Variants in DNAJC13 observed in about 807,000 individuals in gnomAD.
DNAJC13 encodes the protein dnaJ homolog subfamily C member 13.
A neutral mutation model predicts 290.5 loss-of-function variants in DNAJC13; 75 were observed. That is an observed-to-expected ratio of 0.26 (90% CI 0.21 to 0.31). The LOEUF is 0.31. DNAJC13 is among the 10% of genes least tolerant of loss of function. The pLI is 1.00. For missense variants in DNAJC13, 2,260 were observed against 2,674.5 expected, an observed-to-expected ratio of 0.85 and a Z score of 3.42; for synonymous variants, 862 against 892.0, an observed-to-expected ratio of 0.97 and a Z score of 0.60.
Position 132,422,262 on chromosome 3 carries a change from C to A in DNAJC13, c.-14+4502C>A, listed in dbSNP as rs528512324. On this transcript the variant is annotated intron_variant, in intron 1 of 55. Transcript: ENST00000260818. ...ATGTTGCCCAGGCTAGTCTCAAACT[C>A]CTGAGCTCAAGCAATCCTCCCACCT... is the stretch of plus-strand genomic sequence containing the variant. Among the ~76,000 whole-genome samples, 4 of 152,124 alleles carry A rather than the reference C, an allele frequency of 2.6e-5. No individual in the cohort carries two copies. In the South Asian group the frequency reaches 8.3e-4, roughly 32 times the overall value.
chr3:132,505,232 A>G (rs1203111263), intron 41 of DNAJC13, 70 bp from the exon 42 acceptor site: 22 of 976,140 alleles, frequency 2.3e-5, no homozygotes, highest in Non-Finnish European at 3.2e-5. Flanking sequence ...TATAATAGAC[A>G]TTTTTAATAA....
intron 55 of DNAJC13, among the ~76,000 whole-genome samples, chr3:132,537,004 T>C (rs574791495): frequency 6.6e-6 from 1 of 152,336 alleles, no homozygotes; most frequent in Non-Finnish European, 1.5e-5. Context: ...TTCACATCCA[T>C]AGTACCAATA....
At chr3:132,430,824 A>C (rs1458079452) in intron 1 of DNAJC13, among the ~76,000 whole-genome samples, 1 of 152,198 alleles carries the variant, frequency 6.6e-6, no homozygotes, top group Non-Finnish European at 1.5e-5. Context: ...GATAATTCTT[A>C]CTGGGTTTAA....
chr3:132,516,454 T>G lies in DNAJC13; in HGVS notation c.5518T>G (p.Leu1840Val), dbSNP rs1935922809. Residue 1840 changes from leucine to valine, a missense_variant, in exon 47 of 56, where the codon TTG (leucine) becomes GTG (valine). Leu to Val is a conservative substitution (Grantham distance 32). Coordinates refer to ENST00000260818, the MANE Select transcript of DNAJC13 (RefSeq NM_015268.4). ...RQLVLETLYA[L>V]TSSTKIIKEA... ...GCTTGTTCTGGAAACTCTTTATGCTTTGACATCGAGTACAAAAATAATCAA... is the reference window on the plus strand; with the variant it reads ...GCTTGTTCTGGAAACTCTTTATGCTGTGACATCGAGTACAAAAATAATCAA... 2 of 1,613,720 alleles carry G rather than the reference T, an allele frequency of 1.2e-6. No homozygotes were observed. Among genetic ancestry groups the G allele is most frequent in the South Asian group, 1.1e-5 (1 of 91,086 alleles).
intron 1 of DNAJC13, among the ~76,000 whole-genome samples, chr3:132,418,150 T>G (rs1342535941): frequency 6.6e-6 from 1 of 152,170 alleles, no homozygotes; most frequent in Non-Finnish European, 1.5e-5. Context: ...CGGCAACTCT[T>G]GTTTCCTTGG....
intron 48 of DNAJC13, among the ~76,000 whole-genome samples, chr3:132,519,863 AAG>A (rs974692304): frequency 1.3e-5 from 2 of 152,174 alleles, no homozygotes; most frequent in Non-Finnish European, 2.9e-5. Flanking sequence ...TTACAAAAGA[AAG>A]AGGTTTATTG....
At chr3:132,494,074 T>G in intron 33 of DNAJC13, 70 bp from the exon 34 acceptor site, 1 of 1,061,248 alleles carries the variant, frequency 9.4e-7, no homozygotes, top group South Asian at 1.5e-5. Flanking sequence ...AGCACAATAA[T>G]TCTATAACTT....
chr3:132,463,736 C>T lies in DNAJC13; in HGVS notation c.1811C>T (p.Ala604Val), dbSNP rs1303769041. 1 of 1,613,050 alleles carries T rather than the reference C, an allele frequency of 6.2e-7. No individual in the cohort carries two copies. Among genetic ancestry groups the T allele is most frequent in the African/African-American group, 1.3e-5 (1 of 74,852 alleles). The change falls in exon 17 of 56, where the codon GCC (alanine) becomes GTC (valine). Residue 604 changes from alanine (A) to valine (V), a missense_variant. Ala to Val is a moderately conservative substitution (Grantham distance 64). Around this residue, in one of 3 missense-constraint regions of DNAJC13, gnomAD observed 762 missense variants for 964.1 expected, o/e 0.79. Coordinates refer to ENST00000260818, the MANE Select transcript of DNAJC13 (RefSeq NM_015268.4). ...KEIATKMQEL[A>V]LSEGALPRHL... ...ATTGCTACAAAAATGCAGGAGCTTGCCCTAAGTGAAGGTGCCTTACCTCGA... is the reference window on the plus strand; with the variant it reads ...ATTGCTACAAAAATGCAGGAGCTTGTCCTAAGTGAAGGTGCCTTACCTCGA...
chr3:132,461,091 C>T lies in DNAJC13; in HGVS notation c.1599C>T (p.Asp533=). The T allele has an allele frequency of 6.2e-7, 1 of 1,614,064 alleles. No individual in the cohort carries two copies. Among genetic ancestry groups the T allele is most frequent in the East Asian group, 2.2e-5 (1 of 44,870 alleles). ...TGALVISSLL[D]FLTFALCAPY... is the part of the protein sequence containing the mutation. ...CCCTAGTTATTAGTTCGCTCTTGGA[C>T]TTCCTTACCTTTGCCCTCTGTGCTC... is the stretch of plus-strand genomic sequence containing the variant. Residue 533 remains aspartate, a synonymous_variant, in exon 15 of 56, where the codon GAC becomes GAT. Transcript: ENST00000260818.
intron 25 of DNAJC13, 56 bp downstream of exon 25, chr3:132,479,345 A>T: frequency 8.2e-7 from 1 of 1,213,724 alleles, no homozygotes; most frequent in Non-Finnish European, 1.2e-6. Flanking sequence ...AGTATGTAAG[A>T]TAAACTCACA....
chr3:132,441,016 A>G (rs1933046613), intron 2 of DNAJC13, among the ~76,000 whole-genome samples: 1 of 152,202 alleles, frequency 6.6e-6, no homozygotes, highest in South Asian at 2.1e-4. Context: ...GATGGACTCA[A>G]ATTTTAGTTC....
rs963243615 is a variant in DNAJC13, at chr3:132,470,795, G to C, written c.2209-2350G>C. 3.9e-5 allele frequency among the ~76,000 whole-genome samples: 5 copies of C among 129,560 alleles called. No homozygotes were observed. In the East Asian group the frequency reaches 1.2e-3, roughly 32 times the overall value. The allele number at this position is 129,560 out of a possible 152,430, so 85.0% of individuals were successfully genotyped here. A position where few individuals can be genotyped will look rare whatever the true frequency, so the allele number is the denominator to read the frequency against. On this transcript the variant is annotated intron_variant, in intron 20 of 55. Transcript: ENST00000260818. The stretch of plus-strand genomic sequence containing the variant: ...GGGGCGGCTGGCCGGGCGGAGGGCT[G>C]ACCCCCCCACCTCCCTCCTGGACAG...
At position 132,456,227 on chromosome 3, in the gene DNAJC13, T is replaced by C; in HGVS notation, c.933-8T>C. ...CTAAAACCTTTTTTTACTTTTAATC[T>C]TACTTAGAGATTCCTTATTAGCAAG... On this transcript the variant is annotated splice_region_variant and splice_polypyrimidine_tract_variant and intron_variant, in intron 9 of 55. Coordinates refer to ENST00000260818, the MANE Select transcript of DNAJC13 (RefSeq NM_015268.4). 1 of 1,607,690 alleles carries C rather than the reference T, an allele frequency of 6.2e-7. No homozygotes were observed. The highest frequency in any genetic ancestry group is 8.5e-7 in the Non-Finnish European group (1 of 1,178,134).
At chr3:132,538,114 A>G (rs1359711780) in intron 55 of DNAJC13, 62 bp from the exon 56 acceptor site, 4 of 1,387,786 alleles carry the variant, frequency 2.9e-6, no homozygotes, top group Non-Finnish European at 4.0e-6. Context: ...ACATTTTTAT[A>G]AAGGTCAATG....
At chr3:132,423,872 G>A (rs1473960447) in intron 1 of DNAJC13, among the ~76,000 whole-genome samples, 1 of 152,130 alleles carries the variant, frequency 6.6e-6, no homozygotes, top group Non-Finnish European at 1.5e-5. Context: ...GTAATGATAG[G>A]AAAAACAGCA....
intron 55 of DNAJC13, among the ~76,000 whole-genome samples, chr3:132,533,377 C>G (rs1389437179): frequency 7.1e-6 from 1 of 141,622 alleles, no homozygotes; most frequent in Non-Finnish European, 1.5e-5. Context: ...GGTCTGTTGC[C>G]CAGGCTGGAG....
rs1223754602 is a variant in DNAJC13 at position 132,471,690 on chromosome 3, C to G, written c.2209-1455C>G. Among the ~76,000 whole-genome samples, 2 of 121,312 alleles carry G rather than the reference C, an allele frequency of 1.6e-5. 1 individual carries two copies. The highest frequency in any genetic ancestry group is 3.5e-5 in the Non-Finnish European group (2 of 56,542). The allele number at this position is 121,312 out of a possible 152,430, so 79.6% of individuals were successfully genotyped here. ...GCTCCTCACTTCCTAGATGTGATGG[C>G]GGCTGGGAAGAGGCGCTCCTCACTT... On this transcript the variant is annotated intron_variant, in intron 20 of 55. Coordinates refer to ENST00000260818, the MANE Select transcript of DNAJC13 (RefSeq NM_015268.4).
chr3:132,514,175 A>C (rs1935853985), intron 45 of DNAJC13, among the ~76,000 whole-genome samples: 2 of 152,260 alleles, frequency 1.3e-5, no homozygotes, highest in Non-Finnish European at 2.9e-5. Context: ...AAAGAAAAAC[A>C]TACCTATTTC....
chr3:132,421,489 G>A (rs182902798), intron 1 of DNAJC13, among the ~76,000 whole-genome samples: 5 of 152,164 alleles, frequency 3.3e-5, no homozygotes, highest in African/African-American at 1.2e-4. Context: ...AGACAATCTT[G>A]CTCTGTCACC....
Sources: gnomAD v4.1 joint callset for allele counts (sites outside exome capture counted in the v4.1 genomes callset) on GRCh38, gnomAD v4.1.1 for gene constraint, gnomAD v4.1.1 regional missense constraint, MANE v1.5 for transcripts, NCBI Gene and HGNC (gene_info 2026-07-23, HGNC 2026-07-21) for gene names.